Variants in HDAC4 observed in about 807,000 individuals in gnomAD.
HDAC4 encodes histone deacetylase A.
Under a neutral mutation model 135.1 loss-of-function variants are expected in HDAC4, and 16 were observed. The ratio of observed to expected loss-of-function variants is 0.12; its 90% confidence interval spans 0.08 to 0.18. HDAC4 has a LOEUF of 0.18. Among genes scored for constraint, HDAC4 ranks in the 10% least tolerant of loss-of-function variants. The probability of loss-of-function intolerance (pLI) is 1.00; values close to 1 mark genes in which losing one functional copy is unlikely to be tolerated. For synonymous variants in HDAC4, 685 were observed against 653.4 expected (o/e 1.05, Z -0.74); for missense variants, 1,143 against 1,511.8 (o/e 0.76, Z 4.05).
At chr2:239,140,366 G>C (rs952107060) in intron 8 of HDAC4, among the ~76,000 whole-genome samples, 2 of 152,116 alleles carry the variant, frequency 1.3e-5, no homozygotes, top group Non-Finnish European at 2.9e-5. Flanking sequence ...GGTGCGGCTT[G>C]ACCCTGGTTA....
rs201711231 is a variant in HDAC4, at chr2:239,066,943, A to G, written c.2870-88T>C. 4.2e-3 allele frequency: 6,333 copies of G among 1,511,404 alleles called. 26 individuals carry two copies. Among genetic ancestry groups the G allele is most frequent in the South Asian group, 6.8e-3 (572 of 84,372 alleles). The allele number at this position is 1,511,404 out of a possible 1,614,324, so 93.6% of individuals were successfully genotyped here. ...AAACGCGTCTCATGGCATCGTAAGAAGACTGGGGGCTGGGGTGTCGAGACA... is the reference window on the plus strand; with the variant it reads ...AAACGCGTCTCATGGCATCGTAAGAGGACTGGGGGCTGGGGTGTCGAGACA... On this transcript the variant is annotated intron_variant, in intron 23 of 26. Coordinates refer to ENST00000543185, the MANE Select transcript of HDAC4 (RefSeq NM_001378414.1).
chr2:239,292,310 A>C (rs1012658729), intron 2 of HDAC4, among the ~76,000 whole-genome samples: 2 of 152,238 alleles, frequency 1.3e-5, no homozygotes, highest in Non-Finnish European at 2.9e-5. Flanking sequence ...AGAAGACAAG[A>C]TGCCCTCACT....
At chr2:239,337,750 G>A (rs1466681871) in intron 2 of HDAC4, among the ~76,000 whole-genome samples, 1 of 152,168 alleles carries the variant, frequency 6.6e-6, no homozygotes, top group Non-Finnish European at 1.5e-5. Flanking sequence ...CTGGCTGTGC[G>A]TGACAAAGCT....
chr2:239,389,368 C>T (rs1260902181), intron 1 of HDAC4, among the ~76,000 whole-genome samples: 2 of 152,148 alleles, frequency 1.3e-5, no homozygotes, highest in Non-Finnish European at 2.9e-5. Context: ...TAACACTTGC[C>T]GCGAAGGTCC....
chr2:239,370,162 G>A (rs1173812940), intron 1 of HDAC4, among the ~76,000 whole-genome samples: 5 of 152,200 alleles, frequency 3.3e-5, no homozygotes, highest in Admixed American at 6.5e-5. Context: ...GGGGCTCTGC[G>A]GGGTCAAAAC....
intron 6 of HDAC4, among the ~76,000 whole-genome samples, chr2:239,163,327 G>A (rs1292157280): frequency 6.6e-6 from 1 of 152,208 alleles, no homozygotes; most frequent in Non-Finnish European, 1.5e-5. Flanking sequence ...TATTGTGGCT[G>A]AAAAATGGCA....
At position 239,240,445 on chromosome 2, in the gene HDAC4, G is replaced by A. The variant is rs1472193919; in HGVS notation, c.23-3781C>T. On this transcript the variant is annotated intron_variant, in intron 2 of 26. Transcript: ENST00000543185. The surrounding 1 kb of genome is among the most constrained non-coding windows in gnomAD (Gnocchi z 4.5). ...GAATTTCCATATTTATCTGCCTCTG[G>A]GCTGAAATTTCTCAGGCTGAGGAGA... is the stretch of plus-strand genomic sequence containing the variant. Among the ~76,000 whole-genome samples the A allele has an allele frequency of 6.6e-6, 1 of 152,190 alleles. No homozygotes were observed. Among genetic ancestry groups the A allele is most frequent in the African/African-American group, 2.4e-5 (1 of 41,436 alleles).
At position 239,331,038 on chromosome 2, in the gene HDAC4, G is replaced by A. The variant is rs771839994; in HGVS notation, c.22+21640C>T. On this transcript the variant is annotated intron_variant, in intron 2 of 26. Coordinates refer to ENST00000543185, the MANE Select transcript of HDAC4 (RefSeq NM_001378414.1). The surrounding 1 kb of genome is among the most constrained non-coding windows in gnomAD (Gnocchi z 4.5). The stretch of plus-strand genomic sequence containing the variant: ...CCAACCTGCCTGACCTTGGCTGCCC[G>A]AAATTCGGAGTGGGGAGGAAGGCAG... Among the ~76,000 whole-genome samples the A allele has an allele frequency of 4.0e-5, 6 of 151,874 alleles. No individual in the cohort carries two copies. Among genetic ancestry groups the A allele is most frequent in the Non-Finnish European group, 5.9e-5 (4 of 68,034 alleles).
chr2:239,344,896 G>T (rs1052318440), intron 2 of HDAC4, among the ~76,000 whole-genome samples: 2 of 152,136 alleles, frequency 1.3e-5, no homozygotes, highest in Non-Finnish European at 1.5e-5. Context: ...ACGTTCTCGG[G>T]GTTCAATCTC....
At chr2:239,118,245 A>G (rs2039317670) in intron 12 of HDAC4, among the ~76,000 whole-genome samples, 1 of 152,218 alleles carries the variant, frequency 6.6e-6, no homozygotes, top group Non-Finnish European at 1.5e-5. Flanking sequence ...AGTTTAAAGT[A>G]CGGCAGTAAA....
chr2:239,197,255 C>G (rs2045454660), intron 3 of HDAC4, among the ~76,000 whole-genome samples: 1 of 152,214 alleles, frequency 6.6e-6, no homozygotes, highest in African/African-American at 2.4e-5. Flanking sequence ...CTTCGGGATT[C>G]TGAAGGCGCA....
intron 17 of HDAC4, chr2:239,094,763 G>A (rs1178321945): frequency 1.5e-5 from 21 of 1,362,600 alleles, no homozygotes; most frequent in Middle Eastern, 2.5e-4. Context: ...TTCTTAAAGC[G>A]AGAGCCACTG....
intron 2 of HDAC4, among the ~76,000 whole-genome samples, chr2:239,244,693 A>T (rs1347289275): frequency 6.6e-6 from 1 of 152,258 alleles, no homozygotes; most frequent in East Asian, 1.9e-4. Flanking sequence ...CCCTGACCTG[A>T]ACCCCCAGAG....
chr2:239,054,756 C>T lies in HDAC4; in HGVS notation c.3081G>A (p.Glu1027=). 1 of 1,609,556 alleles carries T rather than the reference C, an allele frequency of 6.2e-7. No homozygotes were observed. Among genetic ancestry groups the T allele is most frequent in the Non-Finnish European group, 8.5e-7 (1 of 1,175,850 alleles). ...CCCAGCCAGGCAACTTACTGTGGAT[C>T]TCCATGACTTTCTCCATGGAACGGA... ...NAVRSMEKVM[E]IHSKYWRCLQ... The change falls in exon 25 of 27, where the codon GAG becomes GAA. Residue 1027 remains glutamate (E), a synonymous_variant. Coordinates refer to ENST00000543185, the MANE Select transcript of HDAC4 (RefSeq NM_001378414.1).
At chr2:239,067,785 C>G (rs959419087) in intron 23 of HDAC4, among the ~76,000 whole-genome samples, 2 of 152,216 alleles carry the variant, frequency 1.3e-5, no homozygotes, top group Non-Finnish European at 2.9e-5. Context: ...CCTTGGCCGC[C>G]TGTGCCGACA....
At chr2:239,266,330 C>T (rs1002506300) in intron 2 of HDAC4, among the ~76,000 whole-genome samples, 1 of 152,206 alleles carries the variant, frequency 6.6e-6, no homozygotes, top group African/African-American at 2.4e-5. Flanking sequence ...TTCTGACTGT[C>T]CTCAATGCCC....
At chr2:239,354,486 T>C (rs62182148) in intron 1 of HDAC4, among the ~76,000 whole-genome samples, 22,064 of 151,894 alleles carry the variant, frequency 0.15, 1,941 homozygotes, top group Non-Finnish European at 0.21. Flanking sequence ...CCAGCTCAAG[T>C]GCTTTCAGAG....
intron 2 of HDAC4, among the ~76,000 whole-genome samples, chr2:239,291,871 G>T (rs564228061): frequency 4.1e-4 from 63 of 152,308 alleles, no homozygotes; most frequent in African/African-American, 1.5e-3. Flanking sequence ...GGGAGCCGCC[G>T]ATTACATTTG....
At chr2:239,399,987 C>T (rs1696833174) in intron 1 of HDAC4, among the ~76,000 whole-genome samples, 2 of 152,264 alleles carry the variant, frequency 1.3e-5, no homozygotes, top group Non-Finnish European at 2.9e-5. Flanking sequence ...CTGGGTTCCA[C>T]CCCCGGCCTT....
Sources: gnomAD v4.1 joint callset for allele counts (sites outside exome capture counted in the v4.1 genomes callset) on GRCh38, gnomAD v4.1.1 for gene constraint, Gnocchi (gnomAD v3.1) non-coding constraint, MANE v1.5 for transcripts, NCBI Gene and HGNC (gene_info 2026-07-23, HGNC 2026-07-21) for gene names.